Variants in PRSS23 observed in about 807,000 individuals in gnomAD.
PRSS23 encodes the protein serine protease 23.
Under a neutral mutation model 34.7 loss-of-function variants are expected in PRSS23, and 25 were observed. The ratio of observed to expected loss-of-function variants is 0.72; its 90% CI spans 0.53 to 1.01. The LOEUF is 1.01. Ranked by LOEUF, PRSS23 falls within the 50% of genes least tolerant of loss-of-function variation. The pLI, the probability that PRSS23 is intolerant of heterozygous loss-of-function variation, is 0.00. For missense variants in PRSS23, 445 were observed against 475.6 expected (o/e 0.94, Z 0.60); for synonymous variants, 176 against 186.6 (o/e 0.94, Z 0.46).
intron 2 of PRSS23, among the ~76,000 whole-genome samples, chr11:86,879,271 T>G (rs1232235300): frequency 6.1e-5 from 8 of 131,626 alleles, no homozygotes; most frequent in African/African-American, 2.3e-4. Context: ...TCTACCCAGC[T>G]GCGACCCCGT....
chr11:86,871,162 C>T (rs1234871706), intron 2 of PRSS23, among the ~76,000 whole-genome samples: 2 of 152,166 alleles, frequency 1.3e-5, no homozygotes, highest in East Asian at 3.8e-4. Context: ...AGCAGATCAT[C>T]TTGATCCTAC....
upstream of PRSS23, among the ~76,000 whole-genome samples, chr11:86,796,108 T>C (rs1383549444): frequency 6.6e-6 from 1 of 152,110 alleles, no homozygotes; most frequent in Admixed American, 6.5e-5. Context: ...AAAGGATACT[T>C]AGAGCTGGAG....
rs1474655210 is a variant in PRSS23, at chr11:86,893,622, A to T, written c.207-57594A>T. On this transcript the variant is annotated intron_variant, in intron 2 of 2. Transcript: ENST00000533902. ...ATCTACTTAGCACAGAGATGTGATC[A>T]TTATAGATAGGTAGATAGAAATAGA... Among the ~76,000 whole-genome samples, 3 of 152,260 alleles carry T rather than the reference A, an allele frequency of 2.0e-5. No homozygotes were observed. In the East Asian group the frequency reaches 5.8e-4, roughly 29 times the overall value.
chr11:86,823,910 G>C (rs1948274670), intron 2 of PRSS23, among the ~76,000 whole-genome samples: 2 of 146,182 alleles, frequency 1.4e-5, no homozygotes, highest in East Asian at 2.1e-4. Context: ...GGAGGCTGAG[G>C]CAGGAGAATG....
downstream of PRSS23, among the ~76,000 whole-genome samples, chr11:86,812,946 TGTG>T (rs1394933004): frequency 6.6e-6 from 1 of 152,112 alleles, no homozygotes; most frequent in African/African-American, 2.4e-5. Flanking sequence ...CCCAATGCAT[TGTG>T]GTTTAAAATT....
At chr11:86,920,465 G>C (rs1949040948) in intron 2 of PRSS23, among the ~76,000 whole-genome samples, 1 of 152,202 alleles carries the variant, frequency 6.6e-6, no homozygotes, top group African/African-American at 2.4e-5. Flanking sequence ...CATGCAATAA[G>C]GTAAGCTTAT....
rs573720558 is a variant in PRSS23 at position 86,924,415 on chromosome 11, C to T, written c.207-26801C>T. Among the ~76,000 whole-genome samples the T allele has an allele frequency of 1.2e-4, 19 of 152,300 alleles. No individual in the cohort carries two copies. In the East Asian group the frequency reaches 3.3e-3, roughly 26 times the overall value. ...ATGATGAGGGCATGTTTGACTTTTA[C>T]AACACACCAAACTCTGTTAAATTTT... On this transcript the variant is annotated intron_variant, in intron 2 of 2. Transcript: ENST00000533902.
At chr11:86,871,729 C>G (rs890235115) in intron 2 of PRSS23, among the ~76,000 whole-genome samples, 12 of 152,286 alleles carry the variant, frequency 7.9e-5, no homozygotes, top group Non-Finnish European at 1.2e-4. Context: ...GGGAGGAGAA[C>G]TCTGATATTC....
At chr11:86,922,504 T>C (rs1221969093) in intron 2 of PRSS23, among the ~76,000 whole-genome samples, 2 of 150,622 alleles carry the variant, frequency 1.3e-5, no homozygotes, top group Non-Finnish European at 3.0e-5. Flanking sequence ...AAAAATAAAA[T>C]GGGCAAAATA....
intron 2 of PRSS23, chr11:86,921,363 C>A (rs917152829): frequency 2.0e-5 from 3 of 152,122 alleles, no homozygotes; most frequent in African/African-American, 7.2e-5. Context: ...GAACAGTTCC[C>A]AGGATACTCA....
intron 2 of PRSS23, among the ~76,000 whole-genome samples, chr11:86,930,281 C>T (rs1949115249): frequency 6.6e-6 from 1 of 151,822 alleles, no homozygotes; most frequent in Admixed American, 6.6e-5. Flanking sequence ...TTTGAACCAA[C>T]ATGAATGTAT....
intron 2 of PRSS23, among the ~76,000 whole-genome samples, chr11:86,875,694 A>C (rs554690384): frequency 6.6e-6 from 1 of 152,208 alleles, no homozygotes; most frequent in Admixed American, 6.5e-5. Flanking sequence ...GAACAAGTTT[A>C]TTTTCTTTAC....
At chr11:86,932,160 T>A (rs186881428) in intron 2 of PRSS23, among the ~76,000 whole-genome samples, 1 of 152,236 alleles carries the variant, frequency 6.6e-6, no homozygotes, top group Non-Finnish European at 1.5e-5. Context: ...TGTCACAGTT[T>A]GGCAGGAAGT....
chr11:86,811,578 G>A (rs1768321163), downstream of PRSS23, among the ~76,000 whole-genome samples: 1 of 152,084 alleles, frequency 6.6e-6, no homozygotes. Flanking sequence ...GCCTTAAAGG[G>A]GTAAAGAAAT....
chr11:86,829,081 C>T (rs1215132891), intron 2 of PRSS23, among the ~76,000 whole-genome samples: 3 of 152,214 alleles, frequency 2.0e-5, no homozygotes, highest in African/African-American at 4.8e-5. Flanking sequence ...TAATGACCTG[C>T]AGAGTATTTT....
intron 1 of PRSS23, among the ~76,000 whole-genome samples, chr11:86,802,491 C>T (rs1948051750): frequency 6.6e-6 from 1 of 152,196 alleles, no homozygotes; most frequent in Non-Finnish European, 1.5e-5. Context: ...CATTCTTAAG[C>T]ATTTGCTTTA....
intron 2 of PRSS23, chr11:86,938,895 T>G (rs1348084730): frequency 3.2e-6 from 1 of 314,954 alleles, no homozygotes; most frequent in Non-Finnish European, 6.2e-6. Flanking sequence ...CTTTAAAAAG[T>G]CAGTAAGACA....
intron 1 of PRSS23, among the ~76,000 whole-genome samples, chr11:86,822,097 A>G (rs77996460): frequency 0.011 from 1,620 of 152,334 alleles, 36 homozygotes; most frequent in African/African-American, 0.037. Context: ...GTGAATTATC[A>G]AGCACATAAT....
rs1372969616 is a variant in PRSS23, at chr11:86,807,793, G to A, written c.150G>A (p.Lys50=). 6.2e-7 allele frequency: 1 copy of A among 1,614,152 alleles called. No individual in the cohort carries two copies. Among genetic ancestry groups the A allele is most frequent in the Non-Finnish European group, 8.5e-7 (1 of 1,180,034 alleles). The stretch of plus-strand genomic sequence containing the variant: ...CCCAGTCTACCCTCAATTTAGCCAA[G>A]CCAGACTTTGGAGCCGAAGCCAAAT... ...VLPQSTLNLA[K]PDFGAEAKLE... The change falls in exon 2 of 2, where the codon AAG becomes AAA. Residue 50 remains lysine (K), a synonymous_variant. Transcript: ENST00000280258.
Sources: allele counts gnomAD v4.1 joint callset (sites outside exome capture counted in the v4.1 genomes callset), GRCh38; gene constraint gnomAD v4.1.1; transcripts MANE v1.5; gene names NCBI Gene and HGNC (gene_info 2026-07-23, HGNC 2026-07-21).